Variants in CSNK1G3 observed in about 807,000 individuals in gnomAD.
CSNK1G3 encodes the protein casein kinase 1 gamma 3.
CSNK1G3 carries 23 observed loss-of-function variants against 64.3 expected under a neutral mutation model. That is an observed-to-expected ratio of 0.36 (90% CI 0.26 to 0.51). The LOEUF (loss-of-function observed/expected upper bound fraction) is 0.51. Ranked by LOEUF, CSNK1G3 falls within the 20% of genes least tolerant of loss-of-function variation. The pLI is 0.96. For missense variants in CSNK1G3, 357 were observed against 510.5 expected, an observed-to-expected ratio of 0.70 and a Z score of 2.90; for synonymous variants, 158 against 162.2, an observed-to-expected ratio of 0.97 and a Z score of 0.20.
intron 2 of CSNK1G3, among the ~76,000 whole-genome samples, chr5:123,550,654 A>C (rs1783456806): frequency 6.6e-6 from 1 of 152,248 alleles, no homozygotes; most frequent in South Asian, 2.1e-4. Flanking sequence ...TTAATATGGC[A>C]CAATGCTTTA....
exon 8 of CSNK1G3, chr5:123,588,478 A>T (rs771047981): frequency 1.2e-6 from 2 of 1,612,496 alleles, no homozygotes; most frequent in Admixed American, 1.7e-5. Context: ...AAAACGGGCT[A>T]CACCAATAGA....
chr5:123,538,904 C>T (rs564936973), intron 1 of CSNK1G3, among the ~76,000 whole-genome samples: 7 of 152,152 alleles, frequency 4.6e-5, no homozygotes, highest in East Asian at 3.9e-4. Context: ...GTGATTTTAG[C>T]GTCTTCTAAG....
rs979345485 is a variant in CSNK1G3 at position 123,595,038 on chromosome 5, G to A, written c.1086+3624G>A. On this transcript the variant is annotated intron_variant, in intron 10 of 12. Transcript: ENST00000345990. ...TGCCATATGCATTAAATAAATGGCA[G>A]TCGGCAGACCACAGGGCAGCTTGGG... The A allele has an allele frequency of 1.9e-6, 3 of 1,613,238 alleles. No individual in the cohort carries two copies. Among genetic ancestry groups the A allele is most frequent in the Non-Finnish European group, 1.7e-6 (2 of 1,179,518 alleles).
chr5:123,591,020 T>A (rs937661439), intron 9 of CSNK1G3, among the ~76,000 whole-genome samples: 1 of 152,080 alleles, frequency 6.6e-6, no homozygotes, highest in Non-Finnish European at 1.5e-5. Flanking sequence ...TACATTTTTA[T>A]CATGTTGATA....
chr5:123,599,943 T>C (rs889324971), intron 10 of CSNK1G3, among the ~76,000 whole-genome samples: 4 of 152,134 alleles, frequency 2.6e-5, no homozygotes, highest in Admixed American at 2.6e-4. Context: ...GAAAGTTAAT[T>C]GAAAATCCAT....
chr5:123,513,619 C>T (rs1348097965), intron 1 of CSNK1G3, among the ~76,000 whole-genome samples: 2 of 151,928 alleles, frequency 1.3e-5, no homozygotes, highest in African/African-American at 4.8e-5. Flanking sequence ...TTACTTTTTG[C>T]AATTACTTAG....
intron 10 of CSNK1G3, among the ~76,000 whole-genome samples, chr5:123,601,406 A>T (rs1794476870): frequency 6.6e-6 from 1 of 152,166 alleles, no homozygotes; most frequent in Non-Finnish European, 1.5e-5. Flanking sequence ...TACCACAGTG[A>T]TTCTATTCTG....
chr5:123,612,078 G>T (rs1161154639), intron 12 of CSNK1G3, among the ~76,000 whole-genome samples: 1 of 152,180 alleles, frequency 6.6e-6, no homozygotes, highest in African/African-American at 2.4e-5. Context: ...TCTTGACTGG[G>T]TAATCCATTT....
At chr5:123,610,214 T>C (rs1172753737) in intron 12 of CSNK1G3, among the ~76,000 whole-genome samples, 1 of 152,188 alleles carries the variant, frequency 6.6e-6, no homozygotes, top group Non-Finnish European at 1.5e-5. Flanking sequence ...CCTCGTTTTT[T>C]CTTTAAATCA....
intron 10 of CSNK1G3, among the ~76,000 whole-genome samples, chr5:123,594,323 G>C (rs912242038): frequency 6.6e-6 from 1 of 152,074 alleles, no homozygotes; most frequent in African/African-American, 2.4e-5. Flanking sequence ...TTTGCCAAGG[G>C]ATCTAAAAAC....
intron 12 of CSNK1G3, among the ~76,000 whole-genome samples, chr5:123,611,503 T>A (rs1425536301): frequency 1.3e-5 from 2 of 152,208 alleles, no homozygotes; most frequent in African/African-American, 4.8e-5. Flanking sequence ...AAGGAAAGAT[T>A]ACTTAAGTGT....
chr5:123,544,093 A>G (rs960942004), intron 1 of CSNK1G3, among the ~76,000 whole-genome samples: 1 of 152,136 alleles, frequency 6.6e-6, no homozygotes, highest in African/African-American at 2.4e-5. Flanking sequence ...CCTATACGCA[A>G]CTTATCACCA....
At chr5:123,512,754 C>G (rs1453117755) in intron 1 of CSNK1G3, among the ~76,000 whole-genome samples, 184 bp downstream of exon 1, 1 of 150,262 alleles carries the variant, frequency 6.7e-6, no homozygotes, top group Non-Finnish European at 1.5e-5. Context: ...TGGCGGGTGG[C>G]CCGGAGGCGT....
At chr5:123,604,781 A>G (rs1451141440) in exon 11 of CSNK1G3, 8 of 1,611,918 alleles carry the variant, frequency 5.0e-6, no homozygotes, top group African/African-American at 1.3e-5. Context: ...AGGACGTTCA[A>G]ATGCACCCAT....
intron 12 of CSNK1G3, among the ~76,000 whole-genome samples, chr5:123,611,361 TTA>T (rs1796305955): frequency 6.6e-6 from 1 of 152,214 alleles, no homozygotes; most frequent in African/African-American, 2.4e-5. Flanking sequence ...AGGACGTTCT[TTA>T]TTTAGTGGGA....
chr5:123,603,754 A>G (rs1382329), intron 10 of CSNK1G3, among the ~76,000 whole-genome samples: 71,247 of 151,916 alleles, frequency 0.47, 17,227 homozygotes, highest in Middle Eastern at 0.63. Context: ...GACAATAGGT[A>G]ATGCCAAGGC....
intron 1 of CSNK1G3, among the ~76,000 whole-genome samples, chr5:123,542,826 C>T (rs1316037649): frequency 7.0e-6 from 1 of 142,702 alleles, no homozygotes; most frequent in African/African-American, 2.7e-5. Context: ...TGGATTTTAG[C>T]AGTTTGTGAT....
At chr5:123,526,840 TTGTGTGTGTGTGTGTGTG>T (rs34275675) in intron 1 of CSNK1G3, among the ~76,000 whole-genome samples, 1 of 126,678 alleles carries the variant, frequency 7.9e-6, no homozygotes, top group Non-Finnish European at 1.7e-5. Context: ...CATGTACAGA[TTGTGTGTGTGTGTGTGTG>T]TGTGTGTGTG....
chr5:123,512,247 G>A (rs1490852675), exon 1 of CSNK1G3: 1 of 152,218 alleles, frequency 6.6e-6, no homozygotes, highest in Non-Finnish European at 1.5e-5. Context: ...CTCCGGATAA[G>A]CGAGGCGCTG....
Sources: allele counts gnomAD v4.1 joint callset (sites outside exome capture counted in the v4.1 genomes callset), GRCh38; gene constraint gnomAD v4.1.1; transcripts MANE v1.5; gene names NCBI Gene and HGNC (gene_info 2026-07-23, HGNC 2026-07-21).